Variants in APP observed in about 807,000 individuals in gnomAD.
APP encodes amyloid-beta precursor protein.
A neutral mutation model predicts 101.4 loss-of-function variants in APP; 31 were observed. The ratio of observed to expected loss-of-function variants is 0.31; its 90% CI spans 0.23 to 0.41. The LOEUF is 0.41. APP is among the 10% of genes least tolerant of loss of function. The probability of loss-of-function intolerance (pLI) is 1.00; values close to 1 mark genes in which losing one functional copy is unlikely to be tolerated. For missense variants in APP, 839 were observed against 1,003.7 expected (o/e 0.84, Z 2.22); for synonymous variants, 366 against 364.4 (o/e 1.00, Z -0.05).
chr21:26,128,236 A>G (rs985954347), intron 1 of APP, among the ~76,000 whole-genome samples: 2 of 152,202 alleles, frequency 1.3e-5, no homozygotes, highest in Non-Finnish European at 2.9e-5. Flanking sequence ...CCAAGTCTAC[A>G]TAGTATTTTT....
chr21:25,960,796 T>G (rs1404680801), intron 11 of APP, among the ~76,000 whole-genome samples: 1 of 152,174 alleles, frequency 6.6e-6, no homozygotes, highest in Non-Finnish European at 1.5e-5. Context: ...CATCAGATAA[T>G]TCAGGAAGAC....
intron 16 of APP, among the ~76,000 whole-genome samples, chr21:25,896,902 G>A (rs1271899263): frequency 3.9e-5 from 6 of 152,204 alleles, no homozygotes; most frequent in African/African-American, 9.7e-5. Flanking sequence ...GGTAAAGGAA[G>A]ACAGTTCCGG....
intron 1 of APP, among the ~76,000 whole-genome samples, chr21:26,129,251 T>C (rs2062744521): frequency 6.6e-6 from 1 of 152,060 alleles, no homozygotes; most frequent in African/African-American, 2.4e-5. Flanking sequence ...GGCAGGTGGA[T>C]CATGAGGTTA....
intron 1 of APP, among the ~76,000 whole-genome samples, chr21:26,165,195 T>C (rs1047546981): frequency 8.5e-5 from 13 of 152,252 alleles, no homozygotes; most frequent in African/African-American, 3.1e-4. Context: ...TGAAACATCA[T>C]CTAGATTTTT....
intron 2 of APP, among the ~76,000 whole-genome samples, chr21:26,092,703 G>A (rs1466660013): frequency 6.6e-6 from 1 of 152,156 alleles, no homozygotes; most frequent in Non-Finnish European, 1.5e-5. Flanking sequence ...ATGTATCAAT[G>A]TTGGTTCATC....
chr21:25,954,714 G>T, intron 12 of APP, 25 bp from the exon 13 acceptor site: 2 of 1,566,988 alleles, frequency 1.3e-6, no homozygotes, highest in South Asian at 1.1e-5. Flanking sequence ...GACAACTCCA[G>T]GTCAACAATG....
chr21:25,920,921 A>G (rs1209086408), intron 13 of APP, among the ~76,000 whole-genome samples: 2 of 139,778 alleles, frequency 1.4e-5, no homozygotes, highest in East Asian at 2.1e-4. Context: ...TCAACAGAAT[A>G]TACATTTTTT....
chr21:25,897,158 G>A lies in APP; in HGVS notation c.2064+415C>T, dbSNP rs558986867. ...TTTTTTTTTTTTGGGATGGAGTCTCGCTCTGTCGCCTAGGCACGATCTCAG... is the reference window on the plus strand; with the variant it reads ...TTTTTTTTTTTTGGGATGGAGTCTCACTCTGTCGCCTAGGCACGATCTCAG... On this transcript the variant is annotated intron_variant, in intron 16 of 17. Transcript: ENST00000346798. 2.7e-5 allele frequency among the ~76,000 whole-genome samples: 4 copies of A among 150,672 alleles called. No homozygotes were observed. In the East Asian group the frequency reaches 5.8e-4, roughly 22 times the overall value.
chr21:26,006,034 G>T (rs1466340315), intron 6 of APP, among the ~76,000 whole-genome samples: 1 of 152,118 alleles, frequency 6.6e-6, no homozygotes, highest in Non-Finnish European at 1.5e-5. Context: ...TTCTCAAAAT[G>T]TAAAATACTG....
chr21:25,984,222 T>C (rs2042552115), intron 8 of APP, among the ~76,000 whole-genome samples: 1 of 151,036 alleles, frequency 6.6e-6, no homozygotes, highest in African/African-American at 2.4e-5. Context: ...GGTAGAAGAG[T>C]GCAATAATAA....
rs182233436 is a variant in APP, at chr21:26,091,197, T to C, written c.226-1125A>G. 9.2e-5 allele frequency among the ~76,000 whole-genome samples: 14 copies of C among 152,292 alleles called. No homozygotes were observed. In the East Asian group the frequency reaches 1.5e-3, roughly 17 times the overall value. On this transcript the variant is annotated intron_variant, in intron 2 of 17. Transcript: ENST00000346798. ...ATAAGCAAGGGAATGATTAGAATGC[T>C]GGGCCATGCAATCTCAAGTGGCAAA...
chr21:25,917,316 AACAG>A (rs1350671696), intron 13 of APP, among the ~76,000 whole-genome samples: 1 of 152,138 alleles, frequency 6.6e-6, no homozygotes, highest in Non-Finnish European at 1.5e-5. Context: ...TACTTAGAGT[AACAG>A]AGGGAAGAAG....
chr21:26,145,655 C>T (rs1016741958), intron 1 of APP, among the ~76,000 whole-genome samples: 2 of 152,148 alleles, frequency 1.3e-5, no homozygotes, highest in African/African-American at 2.4e-5. Flanking sequence ...TGATAATATA[C>T]AAAGTAAATA....
intron 2 of APP, among the ~76,000 whole-genome samples, chr21:26,107,656 G>T (rs112898449): frequency 5.3e-5 from 8 of 152,154 alleles, no homozygotes; most frequent in East Asian, 1.9e-4. Context: ...GCTTTCCTTC[G>T]GTTCTTCTCC....
intron 1 of APP, among the ~76,000 whole-genome samples, chr21:26,166,873 A>AGAGAGAGAGT (rs2063624000): frequency 7.7e-6 from 1 of 129,922 alleles, no homozygotes; most frequent in Admixed American, 7.9e-5. Flanking sequence ...CACTCAAGTG[A>AGAGAGAGAGT]GAGAGAGAGA....
At chr21:26,103,718 T>C (rs1382754822) in intron 2 of APP, among the ~76,000 whole-genome samples, 1 of 152,258 alleles carries the variant, frequency 6.6e-6, no homozygotes, top group Admixed American at 6.5e-5. Context: ...ACAGAACTCC[T>C]GCCCATTACC....
chr21:25,908,262 G>A (rs1239921422), intron 14 of APP, among the ~76,000 whole-genome samples: 1 of 152,184 alleles, frequency 6.6e-6, no homozygotes, highest in Non-Finnish European at 1.5e-5. Context: ...ATAAAAAATT[G>A]TTAAGGCAAA....
At chr21:25,964,596 TTTTTC>T (rs1051098338) in intron 11 of APP, among the ~76,000 whole-genome samples, 5 of 149,088 alleles carry the variant, frequency 3.4e-5, no homozygotes, top group Non-Finnish European at 5.9e-5. Context: ...TTAGTGACCT[TTTTTC>T]TTTTCTTTTT....
chr21:26,016,740 T>G (rs1461956225), intron 6 of APP, among the ~76,000 whole-genome samples: 1 of 152,300 alleles, frequency 6.6e-6, no homozygotes, highest in African/African-American at 2.4e-5. Context: ...CCTGGCTAAT[T>G]TTTGTATCTT....
Sources: gnomAD v4.1 joint callset for allele counts (sites outside exome capture counted in the v4.1 genomes callset) on GRCh38, gnomAD v4.1.1 for gene constraint, MANE v1.5 for transcripts, NCBI Gene and HGNC (gene_info 2026-07-23, HGNC 2026-07-21) for gene names.